Variants in ACACA observed in about 807,000 individuals in gnomAD.
ACACA encodes the protein acetyl-CoA carboxylase 1.
ACACA carries 103 observed loss-of-function variants against 296.1 expected under a neutral mutation model. The ratio of observed to expected loss-of-function variants is 0.35; its 90% CI spans 0.30 to 0.41. ACACA has a LOEUF of 0.41. ACACA is among the 10% of genes least tolerant of loss of function. The pLI is 1.00. For missense variants in ACACA, 1,554 were observed against 2,989.7 expected (o/e 0.52, Z 11.20); for synonymous variants, 953 against 1,038.6 (o/e 0.92, Z 1.58).
intron 50 of ACACA, among the ~76,000 whole-genome samples, chr17:37,119,641 C>CACAA (rs1212812054): frequency 9.0e-5 from 12 of 133,326 alleles, no homozygotes; most frequent in African/African-American, 3.4e-4. Flanking sequence ...CACACACACA[C>CACAA]AATCAACCTA....
At chr17:37,280,931 T>C (rs182154867) in intron 5 of ACACA, among the ~76,000 whole-genome samples, 1 of 152,298 alleles carries the variant, frequency 6.6e-6, no homozygotes, top group East Asian at 1.9e-4. Context: ...ACCACTTGTG[T>C]CATACCTTTA....
chr17:37,378,863 A>T (rs1173557783), intron 1 of ACACA, among the ~76,000 whole-genome samples: 1 of 152,096 alleles, frequency 6.6e-6, no homozygotes, highest in Non-Finnish European at 1.5e-5. Flanking sequence ...GGAGTTCGAG[A>T]CCAGCTTGGG....
chr17:37,182,453 C>T (rs1396322964), intron 39 of ACACA, among the ~76,000 whole-genome samples: 2 of 152,068 alleles, frequency 1.3e-5, no homozygotes, highest in Admixed American at 1.3e-4. Flanking sequence ...GAAATCACTA[C>T]ACTGGTTTTT....
intron 3 of ACACA, among the ~76,000 whole-genome samples, chr17:37,329,504 A>G (rs962830316): frequency 6.6e-6 from 1 of 151,834 alleles, no homozygotes; most frequent in Non-Finnish European, 1.5e-5. Flanking sequence ...AGCTAGGCGC[A>G]AGGGCATGCA....
chr17:37,391,682 G>T (rs751176142), intron 1 of ACACA: 2 of 1,613,898 alleles, frequency 1.2e-6, no homozygotes, highest in Non-Finnish European at 1.7e-6. Flanking sequence ...CAAACCCAAA[G>T]AAAGCTGCAG....
At chr17:37,135,808 G>T (rs1323680732) in intron 45 of ACACA, among the ~76,000 whole-genome samples, 1 of 152,120 alleles carries the variant, frequency 6.6e-6, no homozygotes, top group Non-Finnish European at 1.5e-5. Flanking sequence ...CAGGCTTCTG[G>T]AAAGAAAGCT....
intron 1 of ACACA, among the ~76,000 whole-genome samples, chr17:37,374,913 C>G (rs11650168): frequency 0.45 from 68,702 of 151,864 alleles, 16,873 homozygotes; most frequent in East Asian, 0.74. Context: ...ATATGGTTCA[C>G]GGCCGGCTGG....
intron 3 of ACACA, among the ~76,000 whole-genome samples, chr17:37,289,851 C>G (rs1341846710): frequency 6.6e-6 from 1 of 152,204 alleles, no homozygotes; most frequent in African/African-American, 2.4e-5. Context: ...CTGTGCCACA[C>G]CAGAACATGC....
intron 38 of ACACA, among the ~76,000 whole-genome samples, chr17:37,188,793 C>T (rs992182213): frequency 3.3e-5 from 5 of 152,128 alleles, no homozygotes; most frequent in Non-Finnish European, 4.4e-5. Context: ...TCTAAAATTA[C>T]AAGCCATGGG....
chr17:37,270,934 T>C lies in ACACA; in HGVS notation c.1009-73A>G, dbSNP rs528757936. On this transcript the variant is annotated intron_variant, in intron 9 of 55. Coordinates refer to ENST00000616317, the MANE Select transcript of ACACA (RefSeq NM_198834.3). ...GGGAAGGAGAAAACTGGCATTTTTC[T>C]CCCTTTAAGAATGCAGTCATTTAGT... The C allele has an allele frequency of 2.6e-5, 29 of 1,108,116 alleles. No homozygotes were observed. The African/African-American group carries it at 4.3e-4, about 16-fold the overall frequency. The allele number at this position is 1,108,116 out of a possible 1,614,324, so 68.6% of individuals were successfully genotyped here.
chr17:37,096,607 T>C lies in ACACA; in HGVS notation c.6891+389A>G, dbSNP rs528321344. Among the ~76,000 whole-genome samples the C allele has an allele frequency of 2.0e-5, 3 of 152,334 alleles. No individual in the cohort carries two copies. In the South Asian group the frequency reaches 6.2e-4, roughly 32 times the overall value. ...TCTCGCTGTGCTCTGTGCCCTTTGC[T>C]GTGTTTAACATGGGCCTCACTATTG... On this transcript the variant is annotated intron_variant, in intron 54 of 55. Transcript: ENST00000616317.
chr17:37,179,798 G>A (rs1052548487), intron 40 of ACACA, among the ~76,000 whole-genome samples: 8 of 152,044 alleles, frequency 5.3e-5, no homozygotes, highest in Admixed American at 3.9e-4. Flanking sequence ...ATGACATGAC[G>A]CTCAGCTAAT....
chr17:37,174,486 A>G (rs928365922), intron 41 of ACACA, among the ~76,000 whole-genome samples: 4 of 152,102 alleles, frequency 2.6e-5, no homozygotes, highest in African/African-American at 9.7e-5. Flanking sequence ...TAAGAGTGGT[A>G]GTGTGTGTAG....
chr17:37,219,327 C>T (rs2079173749), intron 29 of ACACA, among the ~76,000 whole-genome samples: 1 of 152,196 alleles, frequency 6.6e-6, no homozygotes. Flanking sequence ...TCCCACACTT[C>T]ACCCTAAGCG....
chr17:37,285,869 A>G (rs2082743363), intron 3 of ACACA, among the ~76,000 whole-genome samples: 1 of 152,058 alleles, frequency 6.6e-6, no homozygotes, highest in Non-Finnish European at 1.5e-5. Context: ...TTTACAATTG[A>G]TGCCTTATTA....
chr17:37,308,321 A>C (rs1598450866), intron 3 of ACACA, among the ~76,000 whole-genome samples: 1 of 152,216 alleles, frequency 6.6e-6, no homozygotes, highest in Non-Finnish European at 1.5e-5. Flanking sequence ...TTATGAGTGA[A>C]TACAGAGATG....
rs149367880 is a variant in ACACA, at chr17:37,244,685, C to T, written c.2645G>A (p.Arg882Lys). 125 of 1,614,084 alleles carry T rather than the reference C, an allele frequency of 7.7e-5. No individual in the cohort carries two copies. The highest frequency in any genetic ancestry group is 9.7e-5 in the Non-Finnish European group (114 of 1,180,036). The change falls in exon 21 of 56, where the codon AGA becomes AAA. Residue 882 changes from arginine to lysine, a missense_variant. Transcript: ENST00000616317. ...GAACACTCGATGGAGTTTCTCGCCT[C>T]TGAGTGCCGTGCTCTGGATCCGTGG... is the stretch of plus-strand genomic sequence containing the variant. ...SLPRIQSTAL[R>K]GEKLHRVFHY...
intron 1 of ACACA, among the ~76,000 whole-genome samples, chr17:37,382,345 T>C (rs1261302816): frequency 2.6e-5 from 4 of 151,820 alleles, no homozygotes; most frequent in Admixed American, 2.6e-4. Context: ...CACCCTTTCT[T>C]TTTTTCATAT....
At chr17:37,242,121 T>C in intron 22 of ACACA, 68 bp from the exon 23 acceptor site, 1 of 1,172,492 alleles carries the variant, frequency 8.5e-7, no homozygotes, top group Non-Finnish European at 1.3e-6. Context: ...TCAGCCTCTA[T>C]AGCACGACCA....
Sources: allele counts gnomAD v4.1 joint callset (sites outside exome capture counted in the v4.1 genomes callset), GRCh38; gene constraint gnomAD v4.1.1; transcripts MANE v1.5; gene names NCBI Gene and HGNC (gene_info 2026-07-23, HGNC 2026-07-21).